The following SCARA5 variants were observed in gnomAD, a reference collection of about 807,000 sequenced individuals.
SCARA5 encodes the protein scavenger receptor class A, member 5 (putative).
SCARA5 carries 45 observed loss-of-function variants against 46.3 expected under a neutral mutation model. That is an observed-to-expected ratio of 0.97 (90% CI 0.76 to 1.24). The LOEUF is 1.24. Ranked by LOEUF, SCARA5 falls within the 50% of genes most tolerant of loss-of-function variation. The pLI, the probability that SCARA5 is intolerant of heterozygous loss-of-function variation, is 0.00. For missense variants in SCARA5, 680 were observed against 689.0 expected (o/e 0.99, Z 0.15); for synonymous variants, 333 against 306.5 (o/e 1.09, Z -0.90).
chr8:27,970,682 A>C (rs1489567135), intron 2 of SCARA5, among the ~76,000 whole-genome samples: 3 of 152,004 alleles, frequency 2.0e-5, no homozygotes, highest in Non-Finnish European at 4.4e-5. Context: ...AAAGTTACTA[A>C]CACCACCGGC....
intron 3 of SCARA5, among the ~76,000 whole-genome samples, chr8:27,959,576 C>T (rs965736027): frequency 8.5e-5 from 13 of 152,118 alleles, no homozygotes; most frequent in Admixed American, 1.3e-4. Flanking sequence ...GTGTGAAGAC[C>T]GGGGCCCAAA....
At chr8:27,920,849 G>A (rs1046055577) in intron 4 of SCARA5, among the ~76,000 whole-genome samples, 1 of 151,238 alleles carries the variant, frequency 6.6e-6, no homozygotes, top group Non-Finnish European at 1.5e-5. Flanking sequence ...GTTACAGGGC[G>A]CCTGTAGTCC....
chr8:27,963,457 A>T (rs923644986), intron 3 of SCARA5, among the ~76,000 whole-genome samples: 1 of 152,214 alleles, frequency 6.6e-6, no homozygotes, highest in Non-Finnish European at 1.5e-5. Flanking sequence ...TGGAGGTAGG[A>T]GGAGGCTCTT....
chr8:27,918,661 T>G (rs796873629), intron 4 of SCARA5, among the ~76,000 whole-genome samples: 3 of 2,650 alleles, frequency 1.1e-3, no homozygotes, highest in East Asian at 0.015. Context: ...AAAAGGAAGA[T>G]GAGGAGGAAA....
At chr8:27,892,672 C>T (rs796273998) in intron 7 of SCARA5, among the ~76,000 whole-genome samples, 2 of 140,626 alleles carry the variant, frequency 1.4e-5, no homozygotes, top group Non-Finnish European at 1.5e-5. Flanking sequence ...TGCAGTGGTG[C>T]GATCTTGGCT....
intron 3 of SCARA5, among the ~76,000 whole-genome samples, chr8:27,929,206 T>C (rs1427460504): frequency 1.3e-5 from 2 of 152,148 alleles, no homozygotes; most frequent in Admixed American, 6.5e-5. Context: ...CCCCTGCACA[T>C]CCACTGCGAC....
chr8:27,970,289 C>T (rs1040564780), intron 2 of SCARA5, among the ~76,000 whole-genome samples: 2 of 152,096 alleles, frequency 1.3e-5, no homozygotes, highest in East Asian at 1.9e-4. Flanking sequence ...TTACTGCAAC[C>T]GAGGTAGGAG....
At chr8:27,955,470 A>C (rs1808193420) in intron 3 of SCARA5, among the ~76,000 whole-genome samples, 1 of 152,208 alleles carries the variant, frequency 6.6e-6, no homozygotes, top group Non-Finnish European at 1.5e-5. Flanking sequence ...AAGGCCACAC[A>C]GGCAAAGGAA....
chr8:27,969,791 T>C (rs1808420997), intron 2 of SCARA5, among the ~76,000 whole-genome samples: 1 of 152,162 alleles, frequency 6.6e-6, no homozygotes, highest in African/African-American at 2.4e-5. Flanking sequence ...GTACTTTCCA[T>C]TTGCCTTTGC....
intron 7 of SCARA5, among the ~76,000 whole-genome samples, chr8:27,888,109 T>A (rs1409231022): frequency 6.6e-6 from 1 of 151,924 alleles, no homozygotes; most frequent in East Asian, 1.9e-4. Flanking sequence ...CAGGCTGGAG[T>A]GCAGTGGCAT....
At chr8:27,909,598 GA>G in intron 5 of SCARA5, 64 bp downstream of exon 5, 1 of 1,175,802 alleles carries the variant, frequency 8.5e-7, no homozygotes, top group East Asian at 2.6e-5. Context: ...ATACCATCAA[GA>G]AAGTAGCGGG....
intron 3 of SCARA5, among the ~76,000 whole-genome samples, chr8:27,945,181 G>GGA (rs1808015204): frequency 7.3e-6 from 1 of 136,174 alleles, no homozygotes; most frequent in African/African-American, 2.7e-5. Flanking sequence ...ATAATAAATT[G>GGA]AAAAAAAAAA....
intron 2 of SCARA5, among the ~76,000 whole-genome samples, chr8:27,986,459 G>T (rs1808706191): frequency 6.6e-6 from 1 of 152,116 alleles, no homozygotes; most frequent in South Asian, 2.1e-4. Flanking sequence ...AGAATCCCTG[G>T]CTGCTCACCC....
intron 3 of SCARA5, among the ~76,000 whole-genome samples, chr8:27,962,080 G>C (rs2685407): frequency 0.54 from 81,416 of 151,970 alleles, 22,033 homozygotes; most frequent in South Asian, 0.66. Flanking sequence ...TAGATGAGAT[G>C]CAGGTAAAGA....
At chr8:27,921,312 C>T (rs1201771267) in intron 4 of SCARA5, among the ~76,000 whole-genome samples, 1 of 152,224 alleles carries the variant, frequency 6.6e-6, no homozygotes, top group African/African-American at 2.4e-5. Context: ...AGAAGAGTGG[C>T]CACTGAATCT....
rs184591422 is a variant in SCARA5, at chr8:27,982,165, C to T, written c.112+5339G>A. Among the ~76,000 whole-genome samples, 384 of 152,186 alleles carry T rather than the reference C, an allele frequency of 2.5e-3. 3 individuals carry two copies. Among genetic ancestry groups the T allele is most frequent in the African/African-American group, 8.7e-3 (362 of 41,522 alleles). ...CTATTTGCGGCCATGGATGACGCCA[C>T]GAGTGGAGGGGGCTGGGGCCGTGGG... is the stretch of plus-strand genomic sequence containing the variant. On this transcript the variant is annotated intron_variant, in intron 2 of 8. Transcript: ENST00000354914.
chr8:27,945,522 C>A (rs1315254388), intron 3 of SCARA5, among the ~76,000 whole-genome samples: 1 of 152,156 alleles, frequency 6.6e-6, no homozygotes, highest in African/African-American at 2.4e-5. Flanking sequence ...ACCACAAAGA[C>A]AACAAACATG....
chr8:27,942,711 C>T (rs902693213), intron 3 of SCARA5, among the ~76,000 whole-genome samples: 1 of 152,106 alleles, frequency 6.6e-6, no homozygotes, highest in African/African-American at 2.4e-5. Flanking sequence ...TCTTGTGCTG[C>T]TTGAACATCC....
At chr8:27,929,714 C>T (rs1367410355) in intron 3 of SCARA5, among the ~76,000 whole-genome samples, 1 of 152,158 alleles carries the variant, frequency 6.6e-6, no homozygotes, top group East Asian at 1.9e-4. Context: ...ACAAGGCAAA[C>T]TCCAAGCAGG....
Sources: gnomAD v4.1 joint callset for allele counts (sites outside exome capture counted in the v4.1 genomes callset) on GRCh38, gnomAD v4.1.1 for gene constraint, MANE v1.5 for transcripts, NCBI Gene and HGNC (gene_info 2026-07-23, HGNC 2026-07-21) for gene names.